The following ODF2 variants were observed in gnomAD, a reference collection of about 807,000 sequenced individuals.
The protein encoded by ODF2 is outer dense fiber of sperm tails 2.
ODF2 carries 47 observed loss-of-function variants against 110.2 expected under a neutral mutation model. The ratio of observed to expected loss-of-function variants is 0.43; its 90% CI spans 0.34 to 0.54. The LOEUF is 0.54. ODF2 is among the 20% of genes least tolerant of loss of function. ODF2 has a pLI of 0.03. For missense variants in ODF2, 812 were observed against 1,054.5 expected, an observed-to-expected ratio of 0.77 and a Z score of 3.19; for synonymous variants, 352 against 397.7, an observed-to-expected ratio of 0.89 and a Z score of 1.37.
intron 6 of ODF2, 135 bp from the exon 7 acceptor site, chr9:128,472,778 G>A (rs1840348646): frequency 1.4e-6 from 2 of 1,384,130 alleles, no homozygotes; most frequent in Non-Finnish European, 2.0e-6. Flanking sequence ...ACCCAGGCCA[G>A]AAGGGCTGTC....
At chr9:128,468,895 G>A (rs1338720986) in intron 4 of ODF2, 1 of 305,430 alleles carries the variant, frequency 3.3e-6, no homozygotes, top group Non-Finnish European at 6.0e-6. Flanking sequence ...TTCCCGCCTC[G>A]GCCTCCCAAT....
intron 10 of ODF2, 75 bp from the exon 11 acceptor site, chr9:128,483,863 G>A: frequency 9.6e-7 from 1 of 1,037,200 alleles, no homozygotes; most frequent in South Asian, 1.3e-5. Context: ...TCCAGCCTGG[G>A]AAACGGAGCA....
intron 2 of ODF2, among the ~76,000 whole-genome samples, chr9:128,458,115 C>G (rs1160292248): frequency 1.2e-5 from 1 of 84,682 alleles, no homozygotes; most frequent in Non-Finnish European, 2.3e-5. Flanking sequence ...CTGCCCCACC[C>G]TCCCTGCCAC....
chr9:128,469,973 GTC>G (rs1588801781), intron 5 of ODF2, among the ~76,000 whole-genome samples: 1 of 72,350 alleles, frequency 1.4e-5, no homozygotes, highest in Admixed American at 2.3e-4. Flanking sequence ...GACAGAGAGA[GTC>G]TCTGTCTCAA....
chr9:128,456,884 A>C lies in ODF2; in HGVS notation c.-208-314A>C. The C allele has an allele frequency of 1.6e-5, 21 of 1,275,434 alleles. No individual in the cohort carries two copies. The East Asian group carries it at 2.3e-4, about 14-fold the overall frequency. The allele number at this position is 1,275,434 out of a possible 1,614,324, so 79.0% of individuals were successfully genotyped here. A position where few individuals can be genotyped will look rare whatever the true frequency, so the allele number is the denominator to read the frequency against. ...TCCGCGCCTCCCTCCTTTAAACACT[A>C]TTGGTCCTCTCGGGCATCTGTTCTT... On this transcript the variant is annotated intron_variant, in intron 1 of 20. Coordinates refer to ENST00000604420, the Ensembl canonical transcript of ODF2.
At chr9:128,455,300 C>A (rs950174437), upstream of ODF2, 91 of 1,429,210 alleles carry the variant, frequency 6.4e-5, no homozygotes, top group Non-Finnish European at 8.2e-5. Context: ...GCCTGTAATA[C>A]AAGCACTTTG....
exon 19 of ODF2, chr9:128,498,445 A>C: frequency 6.2e-7 from 1 of 1,609,098 alleles, no homozygotes; most frequent in East Asian, 2.2e-5. Context: ...CAGAATATCG[A>C]GTTCCTACAG....
intron 14 of ODF2, among the ~76,000 whole-genome samples, chr9:128,492,116 C>T (rs1258892449): frequency 6.6e-6 from 1 of 152,040 alleles, no homozygotes; most frequent in Non-Finnish European, 1.5e-5. Context: ...CCGCCCACCT[C>T]GGCCTCCCAA....
In ODF2 at chr9:128,498,952, T is replaced by C. The variant is rs76486031; in HGVS notation, c.2176-49T>C. On this transcript the variant is annotated intron_variant, in intron 19 of 20. Coordinates refer to ENST00000604420, the Ensembl canonical transcript of ODF2. ...GCCCAGCCTTCTCTTTGCCAAGTGT[T>C]CCCCATGTCCGGTAAACCAGTCTCA... The C allele has an allele frequency of 3.2e-3, 5,206 of 1,609,262 alleles. 156 individuals carry two copies. In the African/African-American group the frequency reaches 0.059, roughly 18 times the overall value.
chr9:128,477,106 C>A (rs2131878139), intron 8 of ODF2, among the ~76,000 whole-genome samples: 1 of 151,412 alleles, frequency 6.6e-6, no homozygotes, highest in African/African-American at 2.4e-5. Flanking sequence ...GTGATGGGTA[C>A]CCGTAATATC....
At chr9:128,500,721 T>C (rs1474285199), downstream of ODF2, 1 of 154,700 alleles carries the variant, frequency 6.5e-6, no homozygotes, top group Non-Finnish European at 1.4e-5. Context: ...ACAAGTGTGG[T>C]GTTTTCCCAA....
chr9:128,473,497 A>G, intron 7 of ODF2, 113 bp from the exon 8 acceptor site: 3 of 1,517,762 alleles, frequency 2.0e-6, no homozygotes, highest in South Asian at 1.3e-5. Context: ...GGCACTGTAC[A>G]CAGCCTGGTT....
intron 4 of ODF2, among the ~76,000 whole-genome samples, chr9:128,467,828 A>T (rs1047089848): frequency 1.3e-5 from 2 of 151,988 alleles, no homozygotes; most frequent in Admixed American, 6.6e-5. Context: ...TATTTAAAAA[A>T]ATATTTAAAA....
intron 13 of ODF2, 70 bp from the exon 14 acceptor site, chr9:128,487,820 C>G: frequency 6.5e-7 from 1 of 1,548,572 alleles, no homozygotes; most frequent in African/African-American, 1.4e-5. Flanking sequence ...CACACACACA[C>G]ACACACACAC....
intron 14 of ODF2, among the ~76,000 whole-genome samples, chr9:128,491,569 C>A (rs1844555264): frequency 1.3e-5 from 2 of 151,600 alleles, no homozygotes; most frequent in South Asian, 4.2e-4. Flanking sequence ...GAGGCTGAGG[C>A]AGGAGAATAG....
intron 6 of ODF2, 45 bp downstream of exon 6, chr9:128,471,513 C>T (rs1233873329): frequency 3.1e-6 from 5 of 1,592,480 alleles, no homozygotes; most frequent in African/African-American, 2.7e-5. Context: ...TTCCTCCCTA[C>T]CAGGCTGCCT....
intron 5 of ODF2, among the ~76,000 whole-genome samples, chr9:128,470,888 T>G (rs1453808199): frequency 6.8e-6 from 1 of 147,350 alleles, no homozygotes; most frequent in African/African-American, 2.5e-5. Flanking sequence ...AGTTCTCAAT[T>G]GGAAGGCTCC....
intron 4 of ODF2, 169 bp from the exon 5 acceptor site, chr9:128,469,014 A>G (rs1839033149): frequency 1.0e-5 from 6 of 576,652 alleles, no homozygotes. Flanking sequence ...TCATTTAAAC[A>G]TGGATAGGTA....
intron 2 of ODF2, among the ~76,000 whole-genome samples, chr9:128,458,705 A>G (rs965717157): frequency 6.6e-6 from 1 of 151,810 alleles, no homozygotes; most frequent in African/African-American, 2.4e-5. Context: ...TTGAGAGCTT[A>G]AAGGATAGCA....
Sources: allele counts gnomAD v4.1 joint callset (sites outside exome capture counted in the v4.1 genomes callset), GRCh38; gene constraint gnomAD v4.1.1; transcripts MANE v1.5; gene names NCBI Gene and HGNC (gene_info 2026-07-23, HGNC 2026-07-21).